HABP2: variants seen among roughly 807,000 people sequenced by gnomAD.
HABP2 encodes factor VII-activating protease.
A neutral mutation model predicts 66.5 loss-of-function variants in HABP2; 65 were observed. That is an observed-to-expected ratio of 0.98 (90% CI 0.80 to 1.20). The LOEUF (loss-of-function observed/expected upper bound fraction) is 1.20. Among genes scored for constraint, HABP2 ranks in the 50% most tolerant of loss-of-function variants. The pLI, the probability that HABP2 is intolerant of heterozygous loss-of-function variation, is 0.00. For missense variants in HABP2, 786 were observed against 691.0 expected, an observed-to-expected ratio of 1.14 and a Z score of -1.54; for synonymous variants, 263 against 253.9, an observed-to-expected ratio of 1.04 and a Z score of -0.34.
chr10:113,575,225 A>G (rs2133769361), intron 3 of HABP2, among the ~76,000 whole-genome samples: 1 of 152,342 alleles, frequency 6.6e-6, no homozygotes, highest in African/African-American at 2.4e-5. Flanking sequence ...CTAGTTCCTG[A>G]ACCAAAGAAC....
chr10:113,567,970 C>T (rs941877987), intron 2 of HABP2, among the ~76,000 whole-genome samples: 1 of 152,200 alleles, frequency 6.6e-6, no homozygotes, highest in Non-Finnish European at 1.5e-5. Context: ...CCTGGTGATA[C>T]CCTCACACCA....
In HABP2 at chr10:113,584,004, T is replaced by A. The variant is rs776297264; in HGVS notation, c.1238-144T>A. On this transcript the variant is annotated intron_variant, in intron 10 of 12. Coordinates refer to ENST00000351270, the MANE Select transcript of HABP2 (RefSeq NM_004132.5). ...CCTTCCTGGGTGGAAGTTCAAAATATGAAATGACCACGGAAGAAGATTTTC... is the reference window on the plus strand; with the variant it reads ...CCTTCCTGGGTGGAAGTTCAAAATAAGAAATGACCACGGAAGAAGATTTTC... 286 of 634,538 alleles carry A rather than the reference T, an allele frequency of 4.5e-4. 1 individual carries two copies. Among genetic ancestry groups the A allele is most frequent in the Admixed American group, 1.0e-3 (35 of 34,914 alleles). The allele number at this position is 634,538 out of a possible 1,614,324, so 39.3% of individuals were successfully genotyped here. A position where few individuals can be genotyped will look rare whatever the true frequency, so the allele number is the denominator to read the frequency against.
chr10:113,582,906 C>T (rs1383300256), intron 9 of HABP2, among the ~76,000 whole-genome samples: 2 of 152,220 alleles, frequency 1.3e-5, no homozygotes, highest in African/African-American at 2.4e-5. Context: ...AGCAGGCAAA[C>T]ATTAGCACCT....
chr10:113,578,234 C>A, intron 6 of HABP2, 89 bp downstream of exon 6: 3 of 1,409,324 alleles, frequency 2.1e-6, no homozygotes, highest in South Asian at 2.4e-5. Context: ...TGGTTCAAAT[C>A]AAGTTTCCCA....
chr10:113,579,094 C>T (rs982278344), intron 7 of HABP2, among the ~76,000 whole-genome samples: 1 of 126,956 alleles, frequency 7.9e-6, no homozygotes, highest in African/African-American at 2.9e-5. Flanking sequence ...CCGTCTCTAC[C>T]AAAAAAAAAA....
At position 113,584,289 on chromosome 10, in the gene HABP2, C is replaced by G; in HGVS notation, c.1372+7C>G. ...TGGGGTGTTACAGAAACAGGTGAGT[C>G]GGCCATGCACTCTCCCATGACTTAG... On this transcript the variant is annotated splice_region_variant and intron_variant, in intron 11 of 12. Transcript: ENST00000351270. The G allele has an allele frequency of 6.2e-7, 1 of 1,612,850 alleles. No individual in the cohort carries two copies. Among genetic ancestry groups the G allele is most frequent in the Non-Finnish European group, 8.5e-7 (1 of 1,178,904 alleles).
intron 2 of HABP2, among the ~76,000 whole-genome samples, chr10:113,571,895 A>G (rs1845320197): frequency 6.6e-6 from 1 of 151,112 alleles, no homozygotes; most frequent in South Asian, 2.1e-4. Context: ...TAGGTTCACA[A>G]GACAAGTTAC....
In HABP2 at chr10:113,579,029, G is replaced by A. The variant is rs11196385; in HGVS notation, c.740+231G>A. On this transcript the variant is annotated intron_variant, in intron 7 of 12. Transcript: ENST00000351270. Reference sequence around the variant, plus strand: ...CCTAGCACTTTCAGAGGCTGATGCAGGCAGATTGCTTGAGCCCAGGAGTTT... The same window carrying A: ...CCTAGCACTTTCAGAGGCTGATGCAAGCAGATTGCTTGAGCCCAGGAGTTT... 0.11 allele frequency among the ~76,000 whole-genome samples: 17,086 copies of A among 151,580 alleles called. 1,231 individuals are homozygous for A. Among genetic ancestry groups the A allele is most frequent in the Non-Finnish European group, 0.16 (10,567 of 67,870 alleles).
chr10:113,568,755 C>T (rs573372116), intron 2 of HABP2, among the ~76,000 whole-genome samples: 11 of 152,284 alleles, frequency 7.2e-5, no homozygotes, highest in South Asian at 2.1e-4. Context: ...GCTCAGGCAC[C>T]GCTGAAGGGG....
At chr10:113,573,076 A>G (rs1001204556) in intron 2 of HABP2, among the ~76,000 whole-genome samples, 2 of 152,230 alleles carry the variant, frequency 1.3e-5, no homozygotes, top group African/African-American at 4.8e-5. Context: ...CAAGTCAGCT[A>G]TCTGCATTTG....
At chr10:113,584,602 G>A (rs1369090716) in intron 11 of HABP2, among the ~76,000 whole-genome samples, 1 of 152,158 alleles carries the variant, frequency 6.6e-6, no homozygotes, top group Non-Finnish European at 1.5e-5. Context: ...ATGGATTTTT[G>A]AGTCAGACAG....
In HABP2 at chr10:113,588,883, C is replaced by T. The variant is rs540057700; in HGVS notation, c.*514C>T. 220 of 897,348 alleles carry T rather than the reference C, an allele frequency of 2.5e-4. 1 individual carries two copies. In the South Asian group the frequency reaches 2.8e-3, roughly 11 times the overall value. 55.6% of individuals were successfully genotyped at this position (897,348 alleles called of 1,614,324 possible). A position where few individuals can be genotyped will look rare whatever the true frequency, so the allele number is the denominator to read the frequency against. On this transcript the variant is annotated 3_prime_UTR_variant, in exon 13 of 13. Transcript: ENST00000351270. ...GAAGATCTGGGATGGGCTGGTGGGC[C>T]ATTCCAGCTTGCCGAAATCAAAGCC... is the stretch of plus-strand genomic sequence containing the variant.
chr10:113,580,838 C>G (rs1845514833), intron 8 of HABP2, 146 bp downstream of exon 8: 2 of 597,338 alleles, frequency 3.3e-6, no homozygotes, highest in African/African-American at 3.7e-5. Context: ...GCCCAACTGC[C>G]CAACTGTCTG....
In HABP2 at chr10:113,564,610, T is replaced by A. The variant is rs78257152; in HGVS notation, c.70-2879T>A. 4.7e-3 allele frequency among the ~76,000 whole-genome samples: 722 copies of A among 152,284 alleles called. 3 individuals carry two copies. Among genetic ancestry groups the A allele is most frequent in the African/African-American group, 0.017 (701 of 41,550 alleles). On this transcript the variant is annotated intron_variant, in intron 1 of 12. Coordinates refer to ENST00000351270, the MANE Select transcript of HABP2 (RefSeq NM_004132.5). ...CCCGATAACAAATGACCTCTCTTCC[T>A]TTTTTTGCATTCCTTTCCCCTCACC... is the stretch of plus-strand genomic sequence containing the variant.
intron 4 of HABP2, 140 bp downstream of exon 4, chr10:113,576,144 G>T: frequency 1.6e-6 from 1 of 609,368 alleles, no homozygotes; most frequent in Non-Finnish European, 2.9e-6. Flanking sequence ...TCCTCTGCAG[G>T]GTCCCAGGCA....
At chr10:113,566,756 G>C (rs959910583) in intron 1 of HABP2, among the ~76,000 whole-genome samples, 1 of 152,312 alleles carries the variant, frequency 6.6e-6, no homozygotes, top group African/African-American at 2.4e-5. Context: ...GAGACCTAGC[G>C]AAGGTCATAG....
chr10:113,578,986 G>A (rs963385219), intron 7 of HABP2, among the ~76,000 whole-genome samples, 188 bp downstream of exon 7: 4 of 151,978 alleles, frequency 2.6e-5, no homozygotes, highest in Admixed American at 1.3e-4. Context: ...GCTGGTTGCT[G>A]TGGTTCATGC....
chr10:113,585,691 C>A, intron 11 of HABP2, 102 bp from the exon 12 acceptor site: 1 of 860,978 alleles, frequency 1.2e-6, no homozygotes, highest in Non-Finnish European at 2.0e-6. Context: ...CCCTTCTGAG[C>A]TAAGAGTTGG....
chr10:113,560,862 G>C (rs768989994), intron 1 of HABP2, among the ~76,000 whole-genome samples: 1 of 152,218 alleles, frequency 6.6e-6, no homozygotes, highest in Non-Finnish European at 1.5e-5. Context: ...GCAGGGCTGA[G>C]GGAGAATAAG....
Sources: gnomAD v4.1 joint callset for allele counts (sites outside exome capture counted in the v4.1 genomes callset) on GRCh38, gnomAD v4.1.1 for gene constraint, MANE v1.5 for transcripts, NCBI Gene and HGNC (gene_info 2026-07-23, HGNC 2026-07-21) for gene names.